The following SLCO1C1 variants were observed in gnomAD, a reference collection of about 807,000 sequenced individuals.
SLCO1C1 encodes the protein OAT-RP-5.
SLCO1C1 carries 70 observed loss-of-function variants against 76.4 expected under a neutral mutation model. The ratio of observed to expected loss-of-function variants is 0.92; its 90% CI spans 0.76 to 1.12. SLCO1C1 has a LOEUF of 1.12. Among genes scored for constraint, SLCO1C1 ranks in the 50% most tolerant of loss-of-function variants. The pLI is 0.00. For synonymous variants in SLCO1C1, 306 were observed against 286.1 expected (o/e 1.07, Z -0.70); for missense variants, 912 against 823.8 (o/e 1.11, Z -1.31).
intron 3 of SLCO1C1, among the ~76,000 whole-genome samples, chr12:20,703,030 C>T (rs1946597891): frequency 6.6e-6 from 1 of 151,782 alleles, no homozygotes; most frequent in South Asian, 2.1e-4. Context: ...CACATTAATT[C>T]TTCCAGACCA....
chr12:20,701,507 AG>A, intron 3 of SLCO1C1, 48 bp downstream of exon 3: 2 of 1,371,882 alleles, frequency 1.5e-6, no homozygotes, highest in Non-Finnish European at 1.9e-6. Flanking sequence ...AAGATCTTCT[AG>A]GTGTGGCTAA....
intron 4 of SLCO1C1, among the ~76,000 whole-genome samples, chr12:20,707,055 TG>T (rs201690158): frequency 3.0e-4 from 44 of 147,986 alleles, no homozygotes; most frequent in Non-Finnish European, 5.8e-4. Flanking sequence ...GTCAGATTTT[TG>T]ACCTCCCTGG....
At chr12:20,730,342 A>G (rs573704293) in intron 9 of SLCO1C1, among the ~76,000 whole-genome samples, 3 of 152,150 alleles carry the variant, frequency 2.0e-5, no homozygotes, top group Non-Finnish European at 4.4e-5. Context: ...TCAAGGATAT[A>G]TATCAAATTC....
chr12:20,727,177 C>T lies in SLCO1C1; in HGVS notation c.1186+3923C>T, dbSNP rs111897990. The stretch of plus-strand genomic sequence containing the variant: ...TGATGAACATATGGGTGCATGTGTC[C>T]TTTTGATAGAATACTTTATTTTCTT... On this transcript the variant is annotated intron_variant, in intron 9 of 14. Transcript: ENST00000266509. 4.1e-4 allele frequency among the ~76,000 whole-genome samples: 62 copies of T among 152,180 alleles called. 2 individuals are homozygous for T. Among genetic ancestry groups the T allele is most frequent in the African/African-American group, 1.4e-3 (60 of 41,524 alleles).
At chr12:20,726,385 A>G (rs940423001) in intron 9 of SLCO1C1, among the ~76,000 whole-genome samples, 1 of 152,060 alleles carries the variant, frequency 6.6e-6, no homozygotes, top group African/African-American at 2.4e-5. Flanking sequence ...AAATAAACAG[A>G]AATTTCCCGA....
At chr12:20,702,829 T>G (rs1946585956) in intron 3 of SLCO1C1, among the ~76,000 whole-genome samples, 1 of 151,714 alleles carries the variant, frequency 6.6e-6, no homozygotes, top group Non-Finnish European at 1.5e-5. Context: ...TATCATGATG[T>G]TTTGATGTTT....
chr12:20,708,119 G>T (rs981497782), intron 4 of SLCO1C1, among the ~76,000 whole-genome samples: 3 of 151,980 alleles, frequency 2.0e-5, no homozygotes, highest in African/African-American at 7.3e-5. Context: ...AACTAATTGG[G>T]TACTTATCCA....
intron 2 of SLCO1C1, 96 bp downstream of exon 2, chr12:20,699,801 TTA>T: frequency 3.0e-6 from 4 of 1,317,964 alleles, no homozygotes; most frequent in South Asian, 2.0e-5. Context: ...GTTTTCTCCT[TTA>T]AAAAAAAAAA....
intron 4 of SLCO1C1, among the ~76,000 whole-genome samples, chr12:20,711,091 C>A (rs542034805): frequency 6.6e-6 from 1 of 152,180 alleles, no homozygotes; most frequent in East Asian, 1.9e-4. Context: ...AAAAGAAATT[C>A]ATTATGTTTT....
chr12:20,719,349 C>G (rs1947539511), intron 7 of SLCO1C1, among the ~76,000 whole-genome samples: 1 of 151,994 alleles, frequency 6.6e-6, no homozygotes, highest in South Asian at 2.1e-4. Context: ...CAATTAGTAA[C>G]CCTACAATGA....
chr12:20,700,685 T>C (rs185198812), intron 2 of SLCO1C1, among the ~76,000 whole-genome samples: 99 of 151,922 alleles, frequency 6.5e-4, no homozygotes, highest in Admixed American at 4.6e-3. Flanking sequence ...ACTCAACAAA[T>C]CTCTGCTTTT....
In SLCO1C1 at chr12:20,701,225, GTTGT is replaced by G. The variant is rs137863667; in HGVS notation, c.130-86_130-83del. ...AAGTTGATATTATACATTGTTCTTT[GTTGT>G]TTGTTTTGTATTTGTTTGTCTATTT... On this transcript the variant is annotated intron_variant, in intron 2 of 14. Transcript: ENST00000266509. 233 of 1,228,664 alleles carry G rather than the reference GTTGT, an allele frequency of 1.9e-4. No individual in the cohort carries two copies. In the African/African-American group the frequency reaches 3.3e-3, roughly 17 times the overall value. 76.1% of individuals were successfully genotyped at this position (1,228,664 alleles called of 1,614,324 possible).
intron 9 of SLCO1C1, among the ~76,000 whole-genome samples, chr12:20,725,240 CAAAT>C (rs965013638): frequency 7.4e-6 from 1 of 135,806 alleles, no homozygotes; most frequent in Non-Finnish European, 1.5e-5. Flanking sequence ...AGAAAAAATA[CAAAT>C]AAAAATATGT....
chr12:20,719,526 G>A (rs911270571), intron 7 of SLCO1C1, among the ~76,000 whole-genome samples: 1 of 152,108 alleles, frequency 6.6e-6, no homozygotes, highest in East Asian at 1.9e-4. Flanking sequence ...ATTCTGGCAG[G>A]AATTTATAAA....
chr12:20,740,783 T>TATATATATATC (rs1406774430), intron 12 of SLCO1C1, among the ~76,000 whole-genome samples: 1 of 53,994 alleles, frequency 1.9e-5, no homozygotes, highest in Non-Finnish European at 3.0e-5. Flanking sequence ...AGAATTTATT[T>TATATATATATC]TATTTATATA....
intron 7 of SLCO1C1, among the ~76,000 whole-genome samples, chr12:20,717,614 G>GATT (rs1947428064): frequency 7.9e-6 from 1 of 126,536 alleles, no homozygotes; most frequent in Non-Finnish European, 1.6e-5. Context: ...GAAAGACCAA[G>GATT]GATTTAAAGT....
chr12:20,723,975 G>T (rs1253393389), intron 9 of SLCO1C1, among the ~76,000 whole-genome samples: 1 of 151,966 alleles, frequency 6.6e-6, no homozygotes, highest in Non-Finnish European at 1.5e-5. Context: ...CTCTGAAAGA[G>T]ACCTGGAAGG....
At chr12:20,750,291 A>G (rs1438595405) in intron 13 of SLCO1C1, among the ~76,000 whole-genome samples, 1 of 152,232 alleles carries the variant, frequency 6.6e-6, no homozygotes, top group Non-Finnish European at 1.5e-5. Context: ...AGATAGACTC[A>G]GTATGATTCC....
chr12:20,739,488 G>A (rs1031072617), intron 11 of SLCO1C1, among the ~76,000 whole-genome samples: 5 of 151,076 alleles, frequency 3.3e-5, no homozygotes, highest in East Asian at 2.0e-4. Flanking sequence ...TGTAATCACC[G>A]AAGAGAAGAG....
Sources: allele counts gnomAD v4.1 joint callset (sites outside exome capture counted in the v4.1 genomes callset), GRCh38; gene constraint gnomAD v4.1.1; transcripts MANE v1.5; gene names NCBI Gene and HGNC (gene_info 2026-07-23, HGNC 2026-07-21).